Variants in MAP2K5 observed in about 807,000 individuals in gnomAD.
MAP2K5 encodes the protein mitogen-activated protein kinase kinase 5.
Under a neutral mutation model 83.1 loss-of-function variants are expected in MAP2K5, and 49 were observed. The observed-to-expected ratio is 0.59, with a 90% CI of 0.47 to 0.75. MAP2K5 has a LOEUF of 0.75. Among genes scored for constraint, MAP2K5 ranks in the 30% least tolerant of loss-of-function variants. The pLI is 0.00. For synonymous variants in MAP2K5, 202 were observed against 191.8 expected (o/e 1.05, Z -0.44); for missense variants, 457 against 557.5 (o/e 0.82, Z 1.82).
rs544958586 is a variant in MAP2K5, at chr15:67,699,079, G to T, written c.973-4258G>T. Among the ~76,000 whole-genome samples the T allele has an allele frequency of 1.8e-4, 27 of 151,932 alleles. No individual in the cohort carries two copies. The South Asian group carries it at 5.6e-3, about 32-fold the overall frequency. On this transcript the variant is annotated intron_variant, in intron 15 of 21. Transcript: ENST00000178640. ...CATCAGCTTCTAGTTTCTGCTAATA[G>T]CAGACTAAGTTATTTAGATCAACTC...
intron 1 of MAP2K5, chr15:67,546,479 A>G (rs2084391387): frequency 2.0e-6 from 1 of 494,536 alleles, no homozygotes; most frequent in Non-Finnish European, 2.6e-6. Context: ...ACTGTGCATC[A>G]AATAGCTGGG....
Position 67,793,790 on chromosome 15 carries a change from A to G in MAP2K5, c.1243-12856A>G, listed in dbSNP as rs2090557772. On this transcript the variant is annotated intron_variant, in intron 21 of 21. Transcript: ENST00000178640. The surrounding 1 kb of genome is among the most constrained non-coding windows in gnomAD (Gnocchi z 4.6). Reference sequence around the variant, plus strand: ...TATATAAATGTCCAAGTTTGAAGCAATATGATTATTTTGATCTTGAATCAG... The same window carrying G: ...TATATAAATGTCCAAGTTTGAAGCAGTATGATTATTTTGATCTTGAATCAG... Among the ~76,000 whole-genome samples, 1 of 152,214 alleles carries G rather than the reference A, an allele frequency of 6.6e-6. No individual in the cohort carries two copies. Among genetic ancestry groups the G allele is most frequent in the South Asian group, 2.1e-4 (1 of 4,826 alleles).
rs1382159746 is a variant in MAP2K5, at chr15:67,565,777, T to A, written c.252+2427T>A. On this transcript the variant is annotated intron_variant, in intron 3 of 21. Coordinates refer to ENST00000178640, the MANE Select transcript of MAP2K5 (RefSeq NM_145160.3). The surrounding 1 kb of genome is among the most constrained non-coding windows in gnomAD (Gnocchi z 4.1). Reference sequence around the variant, plus strand: ...CATCTATCTCATTGATGAGATAATTTAAAAAAATTTTTTGTAGAGATAGGG... The same window carrying A: ...CATCTATCTCATTGATGAGATAATTAAAAAAAATTTTTTGTAGAGATAGGG... Among the ~76,000 whole-genome samples the A allele has an allele frequency of 3.3e-5, 5 of 152,126 alleles. No individual in the cohort carries two copies. The highest frequency in any genetic ancestry group is 4.8e-5 in the African/African-American group (2 of 41,422).
chr15:67,562,147 C>T lies in MAP2K5; in HGVS notation c.185-1136C>T, dbSNP rs1379729179. On this transcript the variant is annotated intron_variant, in intron 2 of 21. Coordinates refer to ENST00000178640, the MANE Select transcript of MAP2K5 (RefSeq NM_145160.3). This position sits in a 1 kb window ranked among gnomAD's most constrained non-coding sequence, Gnocchi z 4.1. ...GAGCCTGCCCCTTCCAAGTTGTCCC[C>T]TTGGGAGGCTCTGTACGTTGCTCCA... Among the ~76,000 whole-genome samples, 4 of 152,220 alleles carry T rather than the reference C, an allele frequency of 2.6e-5. No homozygotes were observed. The highest frequency in any genetic ancestry group is 5.9e-5 in the Non-Finnish European group (4 of 68,042).
chr15:67,582,268 G>A (rs995655831), intron 4 of MAP2K5, among the ~76,000 whole-genome samples: 1 of 151,908 alleles, frequency 6.6e-6, no homozygotes, highest in Non-Finnish European at 1.5e-5. Flanking sequence ...TACCATGTTG[G>A]CCAGGATGGT....
rs749034106 is a variant in MAP2K5 at position 67,644,043 on chromosome 15, T to C, written c.586-2188T>C. On this transcript the variant is annotated intron_variant, in intron 9 of 21. Coordinates refer to ENST00000178640, the MANE Select transcript of MAP2K5 (RefSeq NM_145160.3). The surrounding 1 kb of genome is among the most constrained non-coding windows in gnomAD (Gnocchi z 4.6). Reference sequence around the variant, plus strand: ...TAGAAATGTCTAGAGCCAGAAACTCTGCCACAAATCATAAAAATTGTTTTC... The same window carrying C: ...TAGAAATGTCTAGAGCCAGAAACTCCGCCACAAATCATAAAAATTGTTTTC... Among the ~76,000 whole-genome samples the C allele has an allele frequency of 2.0e-5, 3 of 152,228 alleles. No individual in the cohort carries two copies. The highest frequency in any genetic ancestry group is 2.9e-5 in the Non-Finnish European group (2 of 68,026).
Position 67,769,374 on chromosome 15 carries a change from C to A in MAP2K5, c.1135-228C>A, listed in dbSNP as rs570839170. On this transcript the variant is annotated intron_variant, in intron 19 of 21. Coordinates refer to ENST00000178640, the MANE Select transcript of MAP2K5 (RefSeq NM_145160.3). This position sits in a 1 kb window ranked among gnomAD's most constrained non-coding sequence, Gnocchi z 5.2. Reference sequence around the variant, plus strand: ...TATCATTGTCCTTTTTTCACCTCCCCCTCTCTCAGCTCTCATGTTTCTCAC... The same window carrying A: ...TATCATTGTCCTTTTTTCACCTCCCACTCTCTCAGCTCTCATGTTTCTCAC... Among the ~76,000 whole-genome samples, 3 of 152,130 alleles carry A rather than the reference C, an allele frequency of 2.0e-5. No individual in the cohort carries two copies. Among genetic ancestry groups the A allele is most frequent in the African/African-American group, 7.2e-5 (3 of 41,426 alleles).
chr15:67,545,127 C>T (rs566483054), intron 1 of MAP2K5, among the ~76,000 whole-genome samples: 27 of 152,300 alleles, frequency 1.8e-4, no homozygotes, highest in Admixed American at 3.3e-4. Flanking sequence ...TGCTCTTCAC[C>T]GGTCAATTCC....
chr15:67,646,810 C>T (rs1222855836), intron 11 of MAP2K5, among the ~76,000 whole-genome samples: 2 of 152,150 alleles, frequency 1.3e-5, no homozygotes. Context: ...ATAGCCAAAA[C>T]AGATTTTCTT....
intron 19 of MAP2K5, among the ~76,000 whole-genome samples, chr15:67,756,266 C>T (rs1260290527): frequency 6.6e-6 from 1 of 152,168 alleles, no homozygotes; most frequent in Non-Finnish European, 1.5e-5. Flanking sequence ...CTCTCACCAT[C>T]TTCTTATGCT....
intron 21 of MAP2K5, among the ~76,000 whole-genome samples, 193 bp downstream of exon 21, chr15:67,772,945 CTTTTTGAAAG>C (rs1326188848): frequency 6.6e-6 from 1 of 152,172 alleles, no homozygotes; most frequent in Non-Finnish European, 1.5e-5. Context: ...AACCCACCAC[CTTTTTGAAAG>C]TTAATGCAGA....
In MAP2K5 at chr15:67,677,058, T is replaced by G. The variant is rs959977166; in HGVS notation, c.847+12413T>G. Among the ~76,000 whole-genome samples the G allele has an allele frequency of 6.6e-5, 10 of 152,206 alleles. No homozygotes were observed. Among genetic ancestry groups the G allele is most frequent in the Non-Finnish European group, 1.2e-4 (8 of 68,028 alleles). On this transcript the variant is annotated intron_variant, in intron 13 of 21. Coordinates refer to ENST00000178640, the MANE Select transcript of MAP2K5 (RefSeq NM_145160.3). This position sits in a 1 kb window ranked among gnomAD's most constrained non-coding sequence, Gnocchi z 4.2. ...AATAGTTAGAACGTTCCTCACACTT[T>G]CCTGTTAACATCTCCTTTTCTTAGA...
chr15:67,667,129 A>C (rs1027665134), intron 13 of MAP2K5, among the ~76,000 whole-genome samples: 2 of 152,222 alleles, frequency 1.3e-5, no homozygotes, highest in African/African-American at 4.8e-5. Flanking sequence ...CCTTAGATTG[A>C]GTAGTTGTTA....
At chr15:67,737,096 CTG>C (rs2089358467) in intron 17 of MAP2K5, among the ~76,000 whole-genome samples, 1 of 152,236 alleles carries the variant, frequency 6.6e-6, no homozygotes, top group East Asian at 1.9e-4. Context: ...CATCCAGAGA[CTG>C]TGAGTCTAAA....
chr15:67,799,391 AGTATATCTGTGAAGCACCACCCCAG>A (rs2090662926), intron 21 of MAP2K5, among the ~76,000 whole-genome samples: 1 of 152,192 alleles, frequency 6.6e-6, no homozygotes, highest in African/African-American at 2.4e-5. Context: ...ACCTGCCCAG[AGTATATCTGTGAAGCACCACCCCAG>A]GGTCAGGTGA....
intron 6 of MAP2K5, among the ~76,000 whole-genome samples, chr15:67,591,898 G>C (rs1272896140): frequency 6.6e-6 from 1 of 151,816 alleles, no homozygotes; most frequent in Non-Finnish European, 1.5e-5. Flanking sequence ...GATCACCTGA[G>C]GTCGGGAGTT....
chr15:67,556,024 G>A (rs895087407), intron 2 of MAP2K5, among the ~76,000 whole-genome samples: 1 of 152,138 alleles, frequency 6.6e-6, no homozygotes, highest in Non-Finnish European at 1.5e-5. Context: ...GACCTCAGGT[G>A]ATCTGCCTGT....
intron 2 of MAP2K5, among the ~76,000 whole-genome samples, chr15:67,551,744 T>C (rs1009755000): frequency 2.0e-5 from 3 of 152,116 alleles, no homozygotes; most frequent in African/African-American, 7.2e-5. Context: ...GGCTCAGGCT[T>C]GTGGGATTAT....
Position 67,802,035 on chromosome 15 carries a change from C to T in MAP2K5, c.1243-4611C>T, listed in dbSNP as rs1489482391. ...GGCCTCAGGCAGCACCCACACACTG[C>T]GGCAGGCTCGGAGCCTCCATTCTTG... is the stretch of plus-strand genomic sequence containing the variant. On this transcript the variant is annotated intron_variant, in intron 21 of 21. Transcript: ENST00000178640. The surrounding 1 kb of genome is among the most constrained non-coding windows in gnomAD (Gnocchi z 5.0). 3.3e-5 allele frequency among the ~76,000 whole-genome samples: 5 copies of T among 152,186 alleles called. No homozygotes were observed. Among genetic ancestry groups the T allele is most frequent in the Non-Finnish European group, 5.9e-5 (4 of 68,026 alleles).
Sources: allele counts gnomAD v4.1 joint callset (sites outside exome capture counted in the v4.1 genomes callset), GRCh38; gene constraint gnomAD v4.1.1; non-coding constraint Gnocchi (gnomAD v3.1); transcripts MANE v1.5; gene names NCBI Gene and HGNC (gene_info 2026-07-23, HGNC 2026-07-21).